Variants in ZGRF1 observed in about 807,000 individuals in gnomAD.
The protein encoded by ZGRF1 is zinc finger GRF-type containing 1, also known as 5'-3' DNA helicase ZGRF1.
Under a neutral mutation model 203.5 loss-of-function variants are expected in ZGRF1, and 196 were observed. The ratio of observed to expected loss-of-function variants is 0.96; its 90% CI spans 0.86 to 1.08. The LOEUF is 1.08. Among genes scored for constraint, ZGRF1 ranks in the 50% least tolerant of loss-of-function variants. The pLI is 0.00. For missense variants in ZGRF1, 2,326 were observed against 2,416.3 expected, an observed-to-expected ratio of 0.96 and a Z score of 0.78; for synonymous variants, 809 against 841.3, an observed-to-expected ratio of 0.96 and a Z score of 0.66.
intron 16 of ZGRF1, among the ~76,000 whole-genome samples, chr4:112,572,416 G>A (rs1174529990): frequency 6.6e-6 from 1 of 152,114 alleles, no homozygotes; most frequent in Non-Finnish European, 1.5e-5. Flanking sequence ...ATGGATCGAG[G>A]ATTTAAATCT....
intron 10 of ZGRF1, among the ~76,000 whole-genome samples, chr4:112,595,428 CTG>C (rs1414382229): frequency 1.3e-5 from 2 of 152,004 alleles, no homozygotes; most frequent in Middle Eastern, 3.2e-3. Flanking sequence ...CAATTAAAAA[CTG>C]TGCCCAACAC....
chr4:112,634,924 G>A (rs745674393), intron 1 of ZGRF1, among the ~76,000 whole-genome samples: 4 of 151,982 alleles, frequency 2.6e-5, no homozygotes, highest in Non-Finnish European at 4.4e-5. Context: ...GAGGTCAGGC[G>A]CTCGAGACCA....
intron 23 of ZGRF1, 88 bp downstream of exon 23, chr4:112,548,165 T>G (rs1410609716): frequency 1.6e-6 from 2 of 1,258,926 alleles, no homozygotes; most frequent in South Asian, 2.9e-5. Context: ...GGTCGCAAAC[T>G]CCTAGACTCA....
Position 112,594,027 on chromosome 4 carries a change from T to G in ZGRF1, c.2977-4153A>C, listed in dbSNP as rs138041096. ...GCTTTGGCCTCCCTTAGTGCTAAGATTACAGGTGTGAGCCACCGTCCCCAG... is the reference window on the plus strand; with the variant it reads ...GCTTTGGCCTCCCTTAGTGCTAAGAGTACAGGTGTGAGCCACCGTCCCCAG... On this transcript the variant is annotated intron_variant, in intron 10 of 27. Coordinates refer to ENST00000505019, the MANE Select transcript of ZGRF1 (RefSeq NM_018392.5). 1.6e-4 allele frequency among the ~76,000 whole-genome samples: 25 copies of G among 152,292 alleles called. No individual in the cohort carries two copies. In the East Asian group the frequency reaches 4.8e-3, roughly 29 times the overall value.
intron 4 of ZGRF1, among the ~76,000 whole-genome samples, chr4:112,623,510 G>C (rs1015687195): frequency 6.6e-6 from 1 of 151,970 alleles, no homozygotes; most frequent in East Asian, 1.9e-4. Flanking sequence ...TTAGACTCTA[G>C]AATCACCTCC....
In ZGRF1 at chr4:112,578,636, T is replaced by C. The variant is rs1396265888; in HGVS notation, c.4438+3027A>G. On this transcript the variant is annotated intron_variant, in intron 16 of 27. Transcript: ENST00000505019. ...TACAAACTACCATCAAAGAATACTA[T>C]AAACACCTCTACGCAAATAAACTAG... 2.4e-5 allele frequency among the ~76,000 whole-genome samples: 3 copies of C among 123,016 alleles called. 1 individual carries two copies. Among genetic ancestry groups the C allele is most frequent in the African/African-American group, 8.5e-5 (3 of 35,434 alleles). 80.7% of individuals were successfully genotyped at this position (123,016 alleles called of 152,430 possible).
rs2046934777 is a variant in ZGRF1, at chr4:112,617,842, T to C, written c.2200A>G (p.Ser734Gly). ...DEHVLPSTSS[S>G]DNSVQLLNTN... ...TTTAATAGTTGGACACTGTTGTCAC[T>C]ACTAGAAGTTGAGGGTAAAACATGT... Residue 734 changes from serine (S) to glycine (G), a missense_variant, in exon 6 of 28, where the codon AGT (serine) becomes GGT (glycine). Physicochemically the swap from Ser to Gly is moderately conservative, Grantham distance 56 (BLOSUM62 0). Transcript: ENST00000505019. The C allele has an allele frequency of 1.2e-6, 2 of 1,613,988 alleles. No homozygotes were observed. Among genetic ancestry groups the C allele is most frequent in the Admixed American group, 1.7e-5 (1 of 59,994 alleles).
At chr4:112,623,265 C>T (rs1410554430) in intron 4 of ZGRF1, among the ~76,000 whole-genome samples, 1 of 152,140 alleles carries the variant, frequency 6.6e-6, no homozygotes, top group Non-Finnish European at 1.5e-5. Flanking sequence ...CACTGATAGG[C>T]ATTTAGGCTG....
chr4:112,632,089 T>C, intron 2 of ZGRF1, 79 bp from the exon 3 acceptor site: 1 of 590,768 alleles, frequency 1.7e-6, no homozygotes, highest in Non-Finnish European at 2.6e-6. Context: ...CCTTCCTACA[T>C]ACAAAATATA....
intron 24 of ZGRF1, among the ~76,000 whole-genome samples, chr4:112,543,188 TTAGA>T (rs1738039957): frequency 6.6e-6 from 1 of 152,174 alleles, no homozygotes; most frequent in African/African-American, 2.4e-5. Flanking sequence ...CTCTTTTTTG[TTAGA>T]TAAAATATGA....
At chr4:112,623,563 C>T (rs961057062) in intron 4 of ZGRF1, among the ~76,000 whole-genome samples, 4 of 152,152 alleles carry the variant, frequency 2.6e-5, no homozygotes, top group Non-Finnish European at 5.9e-5. Flanking sequence ...ACTCTATGAA[C>T]ATAAGCAAGT....
intron 8 of ZGRF1, among the ~76,000 whole-genome samples, chr4:112,607,289 A>C (rs544389081): frequency 6.6e-6 from 1 of 152,150 alleles, no homozygotes; most frequent in South Asian, 2.1e-4. Flanking sequence ...ATGCCACCTA[A>C]TTATTTTTAT....
At chr4:112,609,895 C>CT (rs1324132011) in intron 7 of ZGRF1, among the ~76,000 whole-genome samples, 1 of 152,036 alleles carries the variant, frequency 6.6e-6, no homozygotes, top group Admixed American at 6.6e-5. Flanking sequence ...AATTCCAACA[C>CT]TTTAGAGGCT....
chr4:112,612,334 C>T (rs1228186386), intron 7 of ZGRF1, among the ~76,000 whole-genome samples, 190 bp downstream of exon 7: 1 of 152,088 alleles, frequency 6.6e-6, no homozygotes, highest in East Asian at 1.9e-4. Context: ...TTGCTTAATA[C>T]TATTAACTAC....
chr4:112,555,338 A>G (rs1212681785), intron 20 of ZGRF1, among the ~76,000 whole-genome samples: 2 of 152,178 alleles, frequency 1.3e-5, no homozygotes, highest in African/African-American at 4.8e-5. Context: ...TCCCTTTTAT[A>G]TATCTTACAG....
At chr4:112,634,701 A>T (rs1008462632) in intron 1 of ZGRF1, among the ~76,000 whole-genome samples, 1 of 152,014 alleles carries the variant, frequency 6.6e-6, no homozygotes, top group African/African-American at 2.4e-5. Context: ...CAAGAAAGTG[A>T]CTGGCATCTT....
chr4:112,613,826 A>G (rs2046777306), intron 6 of ZGRF1, among the ~76,000 whole-genome samples: 1 of 152,210 alleles, frequency 6.6e-6, no homozygotes, highest in Admixed American at 6.5e-5. Context: ...CTCTTCTAAA[A>G]TCACAAAAAG....
rs181177506 is a variant in ZGRF1, at chr4:112,553,935, T to C, written c.5246A>G (p.His1749Arg). ...AGTCAGGTCTTCTTTCATTAGTGCA[T>C]GTAGTTCTTTTAACTGTTCACTTTC... Reference protein sequence around the residue: ...ENESEQLKELHALMKEDLTPT... With the variant: ...ENESEQLKELRALMKEDLTPT... Residue 1749 changes from histidine (H) to arginine (R), a missense_variant, in exon 22 of 28, where the codon CAT becomes CGT. Physicochemically the swap from His to Arg is conservative, Grantham distance 29. Transcript: ENST00000505019. 5 of 1,613,142 alleles carry C rather than the reference T, an allele frequency of 3.1e-6. No individual in the cohort carries two copies. The highest frequency in any genetic ancestry group is 3.3e-5 in the Admixed American group (2 of 59,904).
intron 10 of ZGRF1, among the ~76,000 whole-genome samples, chr4:112,601,925 C>G (rs575893190): frequency 6.6e-4 from 100 of 152,154 alleles, no homozygotes; most frequent in African/African-American, 2.4e-3. Flanking sequence ...GAGGAAGAGG[C>G]CAGGCATGGT....
Sources: allele counts gnomAD v4.1 joint callset (sites outside exome capture counted in the v4.1 genomes callset), GRCh38; gene constraint gnomAD v4.1.1; transcripts MANE v1.5; gene names NCBI Gene and HGNC (gene_info 2026-07-23, HGNC 2026-07-21).